The following ARHGAP20 variants were observed in gnomAD, a reference collection of about 807,000 sequenced individuals.
ARHGAP20 encodes the protein rho GTPase-activating protein 20.
Under a neutral mutation model 73.7 loss-of-function variants are expected in ARHGAP20, and 34 were observed. The ratio of observed to expected loss-of-function variants is 0.46; its 90% CI spans 0.35 to 0.61. ARHGAP20 has a LOEUF of 0.61. Ranked by LOEUF, ARHGAP20 falls within the 20% of genes least tolerant of loss-of-function variation. ARHGAP20 has a pLI of 0.00. For synonymous variants in ARHGAP20, 523 were observed against 518.2 expected (o/e 1.01, Z -0.13); for missense variants, 1,314 against 1,420.9 (o/e 0.92, Z 1.21).
At chr11:110,707,625 T>C (rs11213558) in intron 1 of ARHGAP20, among the ~76,000 whole-genome samples, 12,353 of 152,048 alleles carry the variant, frequency 0.081, 615 homozygotes, top group African/African-American at 0.13. Context: ...ACTGACTTCA[T>C]TTACAGCATC....
At chr11:110,693,813 G>A (rs1338989394) in intron 1 of ARHGAP20, among the ~76,000 whole-genome samples, 1 of 151,732 alleles carries the variant, frequency 6.6e-6, no homozygotes, top group Non-Finnish European at 1.5e-5. Context: ...ACAGGCTTAC[G>A]TTATGCTTAT....
rs570100968 is a variant in ARHGAP20, at chr11:110,648,772, C to T, written c.189-17980G>A. On this transcript the variant is annotated intron_variant, in intron 2 of 14. Coordinates refer to ENST00000683387, the MANE Select transcript of ARHGAP20 (RefSeq NM_001384657.1). ...TGCTGGGATTATAGGCATGAGCCAC[C>T]GCACCCAGCCCATGAAATGTTTTTA... Among the ~76,000 whole-genome samples, 7 of 152,118 alleles carry T rather than the reference C, an allele frequency of 4.6e-5. No homozygotes were observed. The East Asian group carries it at 7.8e-4, about 17-fold the overall frequency.
At chr11:110,606,248 T>A (rs529986128) in intron 9 of ARHGAP20, among the ~76,000 whole-genome samples, 3 of 152,300 alleles carry the variant, frequency 2.0e-5, no homozygotes, top group African/African-American at 7.2e-5. Context: ...TTGGAGTGTA[T>A]TACAGTACAA....
At chr11:110,591,896 T>G in intron 10 of ARHGAP20, 81 bp downstream of exon 10, 1 of 1,438,694 alleles carries the variant, frequency 7.0e-7, no homozygotes, top group South Asian at 1.3e-5. Flanking sequence ...AATTTTTCCA[T>G]TTGGGGACAG....
intron 2 of ARHGAP20, among the ~76,000 whole-genome samples, chr11:110,664,809 G>GA (rs1949690587): frequency 6.6e-6 from 1 of 151,436 alleles, no homozygotes; most frequent in Non-Finnish European, 1.5e-5. Context: ...GGGTAAATAT[G>GA]AAAAAAGATA....
intron 3 of ARHGAP20, among the ~76,000 whole-genome samples, chr11:110,628,457 T>C (rs74671510): frequency 0.031 from 4,698 of 152,220 alleles, 253 homozygotes; most frequent in African/African-American, 0.11. Context: ...GCTATGAGAA[T>C]GATCATGTAA....
In ARHGAP20 at chr11:110,589,243, T is replaced by C. The variant is rs75668616; in HGVS notation, c.1305+1405A>G. Among the ~76,000 whole-genome samples, 1,448 of 152,310 alleles carry C rather than the reference T, an allele frequency of 9.5e-3. 35 individuals are homozygous for C. The highest frequency in any genetic ancestry group is 0.033 in the African/African-American group (1,380 of 41,564). Reference sequence around the variant, plus strand: ...ACATATTTTTATTGTGTTCCAGGATTGAAGAGTAATCATAAACCCTGTGCA... The same window carrying C: ...ACATATTTTTATTGTGTTCCAGGATCGAAGAGTAATCATAAACCCTGTGCA... On this transcript the variant is annotated intron_variant, in intron 11 of 14. Coordinates refer to ENST00000683387, the MANE Select transcript of ARHGAP20 (RefSeq NM_001384657.1).
intron 2 of ARHGAP20, among the ~76,000 whole-genome samples, chr11:110,686,577 A>C (rs1950136635): frequency 6.6e-6 from 1 of 152,128 alleles, no homozygotes; most frequent in Non-Finnish European, 1.5e-5. Context: ...TTATAAGCAA[A>C]TCAACATAAA....
intron 2 of ARHGAP20, among the ~76,000 whole-genome samples, chr11:110,679,420 G>C (rs550871009): frequency 1.3e-5 from 2 of 152,236 alleles, no homozygotes; most frequent in East Asian, 3.9e-4. Context: ...TTACCAAAAC[G>C]ACATGATAAC....
chr11:110,691,069 A>G (rs1950233680), intron 1 of ARHGAP20: 4 of 1,326,984 alleles, frequency 3.0e-6, no homozygotes, highest in Non-Finnish European at 4.1e-6. Context: ...AAGGAGAGGA[A>G]AAAACAGTTA....
chr11:110,687,081 T>G (rs1950151724), intron 2 of ARHGAP20, among the ~76,000 whole-genome samples: 1 of 107,072 alleles, frequency 9.3e-6, no homozygotes, highest in East Asian at 3.0e-4. Context: ...CACACACATA[T>G]ATATAGACAC....
At chr11:110,627,262 T>G (rs1215897903) in intron 3 of ARHGAP20, among the ~76,000 whole-genome samples, 1 of 152,070 alleles carries the variant, frequency 6.6e-6, no homozygotes, top group African/African-American at 2.4e-5. Flanking sequence ...CTAATTTTTT[T>G]GTATTTTTTA....
At chr11:110,644,163 A>G (rs1949134606) in intron 2 of ARHGAP20, among the ~76,000 whole-genome samples, 1 of 152,166 alleles carries the variant, frequency 6.6e-6, no homozygotes, top group African/African-American at 2.4e-5. Flanking sequence ...GATGACGTAA[A>G]TAAATGGAAA....
intron 4 of ARHGAP20, among the ~76,000 whole-genome samples, chr11:110,616,400 T>C (rs937519259): frequency 6.6e-6 from 1 of 152,108 alleles, no homozygotes; most frequent in Admixed American, 6.5e-5. Flanking sequence ...AAGACAGGGG[T>C]CTTGCTCTGT....
At chr11:110,652,559 T>G (rs976080651) in intron 2 of ARHGAP20, among the ~76,000 whole-genome samples, 1 of 152,010 alleles carries the variant, frequency 6.6e-6, no homozygotes, top group Non-Finnish European at 1.5e-5. Context: ...AAAATAAATA[T>G]GCAAAAATCA....
chr11:110,592,688 G>T (rs935737954), intron 9 of ARHGAP20, among the ~76,000 whole-genome samples: 1 of 152,088 alleles, frequency 6.6e-6, no homozygotes, highest in Non-Finnish European at 1.5e-5. Flanking sequence ...GAAGGGAAGA[G>T]GGGAGGAGAA....
intron 2 of ARHGAP20, among the ~76,000 whole-genome samples, chr11:110,650,175 C>A (rs897004441): frequency 2.0e-5 from 3 of 152,072 alleles, no homozygotes; most frequent in Admixed American, 6.6e-5. Flanking sequence ...TGCCATGTTT[C>A]CCCAGCTGGA....
chr11:110,623,780 A>T (rs1948677949), intron 4 of ARHGAP20, among the ~76,000 whole-genome samples: 1 of 145,712 alleles, frequency 6.9e-6, no homozygotes, highest in African/African-American at 2.5e-5. Flanking sequence ...AAGGAAGGGG[A>T]TGTTGAAGAG....
chr11:110,606,351 AAC>A (rs1948229787), intron 9 of ARHGAP20, among the ~76,000 whole-genome samples: 1 of 152,230 alleles, frequency 6.6e-6, no homozygotes, highest in Non-Finnish European at 1.5e-5. Context: ...AGAAAGAAGG[AAC>A]AGACTGTATT....
Sources: allele counts gnomAD v4.1 joint callset (sites outside exome capture counted in the v4.1 genomes callset), GRCh38; gene constraint gnomAD v4.1.1; transcripts MANE v1.5; gene names NCBI Gene and HGNC (gene_info 2026-07-23, HGNC 2026-07-21).